The following TRIM67 variants were observed in gnomAD, a reference collection of about 807,000 sequenced individuals.
TRIM67 encodes the protein tripartite motif containing 67.
In TRIM67, 39 loss-of-function variants were observed where a neutral mutation model predicts 71.0. That is an observed-to-expected ratio of 0.55 (90% CI 0.43 to 0.72). The LOEUF (loss-of-function observed/expected upper bound fraction) is 0.72, where lower values mean the gene tolerates loss of function less well. Ranked by LOEUF, TRIM67 falls within the 30% of genes least tolerant of loss-of-function variation. The probability of loss-of-function intolerance (pLI) is 0.00; values close to 1 mark genes in which losing one functional copy is unlikely to be tolerated. For missense variants in TRIM67, 973 were observed against 1,079.2 expected (o/e 0.90, Z 1.38); for synonymous variants, 481 against 473.9 (o/e 1.01, Z -0.19).
chr1:231,182,630 C>T (rs990016775), intron 1 of TRIM67, among the ~76,000 whole-genome samples: 1 of 152,156 alleles, frequency 6.6e-6, no homozygotes, highest in African/African-American at 2.4e-5. Flanking sequence ...AGGGCACAGG[C>T]ACAGAGGCAC....
At chr1:231,190,552 C>T (rs778350569) in intron 1 of TRIM67, among the ~76,000 whole-genome samples, 1 of 152,282 alleles carries the variant, frequency 6.6e-6, no homozygotes, top group Middle Eastern at 3.4e-3. Context: ...AGCCTGCGGC[C>T]CCCGGCGTAA....
intron 1 of TRIM67, among the ~76,000 whole-genome samples, chr1:231,174,158 T>C (rs1264727046): frequency 3.3e-5 from 5 of 150,166 alleles, no homozygotes; most frequent in African/African-American, 9.7e-5. Flanking sequence ...TTTTCTTTTT[T>C]TTTTTTTTTT....
At chr1:231,185,144 G>A (rs1412567634) in intron 1 of TRIM67, 1 of 1,532,884 alleles carries the variant, frequency 6.5e-7, no homozygotes, top group Admixed American at 2.0e-5. Context: ...TGGGAAGTGT[G>A]TGTTGTCCAG....
At chr1:231,168,394 G>A (rs1432648433) in intron 1 of TRIM67, among the ~76,000 whole-genome samples, 2 of 152,132 alleles carry the variant, frequency 1.3e-5, no homozygotes, top group African/African-American at 2.4e-5. Flanking sequence ...CAAACATTTC[G>A]CTTGTTAAGT....
At chr1:231,202,094 A>G (rs1683549841) in intron 5 of TRIM67, among the ~76,000 whole-genome samples, 1 of 792 alleles carries the variant, frequency 1.3e-3, no homozygotes, top group African/African-American at 4.5e-3. Context: ...TGGCTAAGAT[A>G]ATGGAGGAGG....
chr1:231,217,922 C>T lies in TRIM67; in HGVS notation c.*2482C>T. ...GTCCAGAGAGGTGCAGCCAGGACTC[C>T]CTCCTCCCCACTGCCACCCTGAGCT... On this transcript the variant is annotated 3_prime_UTR_variant, in exon 10 of 10. Transcript: ENST00000366653. 1 of 1,283,722 alleles carries T rather than the reference C, an allele frequency of 7.8e-7. No homozygotes were observed. 79.5% of individuals were successfully genotyped at this position (1,283,722 alleles called of 1,614,324 possible).
intron 1 of TRIM67, among the ~76,000 whole-genome samples, chr1:231,196,751 T>G (rs909281208): frequency 3.3e-5 from 5 of 152,196 alleles, no homozygotes; most frequent in African/African-American, 1.2e-4. Flanking sequence ...CTTCAGAAGC[T>G]TCTGCTGGTC....
intron 1 of TRIM67, among the ~76,000 whole-genome samples, chr1:231,171,789 T>C (rs1006255423): frequency 6.6e-6 from 1 of 152,114 alleles, no homozygotes; most frequent in Non-Finnish European, 1.5e-5. Context: ...CAGCAAGTTG[T>C]GAAATGATTT....
chr1:231,198,920 C>A (rs1683445732), intron 2 of TRIM67, 127 bp from the exon 3 acceptor site: 1 of 1,449,786 alleles, frequency 6.9e-7, no homozygotes, highest in Non-Finnish European at 9.4e-7. Flanking sequence ...TCTAATTTAA[C>A]AACATTATAG....
At chr1:231,195,130 C>G (rs1571889755) in intron 1 of TRIM67, among the ~76,000 whole-genome samples, 2 of 152,174 alleles carry the variant, frequency 1.3e-5, no homozygotes, top group East Asian at 3.8e-4. Context: ...AGAGCCTTTT[C>G]TCAGAGACAG....
At chr1:231,206,372 C>T (rs571512865) in intron 6 of TRIM67, among the ~76,000 whole-genome samples, 6 of 151,750 alleles carry the variant, frequency 4.0e-5, no homozygotes, top group Non-Finnish European at 7.4e-5. Context: ...ACTCGGGAGG[C>T]GGAGGTTTTG....
intron 8 of TRIM67, 123 bp from the exon 9 acceptor site, chr1:231,213,692 C>A: frequency 8.2e-7 from 1 of 1,224,488 alleles, no homozygotes. Flanking sequence ...GATGGCGTCA[C>A]TGCACTCCAG....
chr1:231,209,964 C>T lies in TRIM67; in HGVS notation c.2123+714C>T, dbSNP rs969882048. Among the ~76,000 whole-genome samples, 22 of 152,150 alleles carry T rather than the reference C, an allele frequency of 1.4e-4. No homozygotes were observed. The highest frequency in any genetic ancestry group is 5.9e-5 in the Non-Finnish European group (4 of 68,010). On this transcript the variant is annotated intron_variant, in intron 8 of 9. Transcript: ENST00000366653. This position sits in a 1 kb window ranked among gnomAD's most constrained non-coding sequence, Gnocchi z 4.1. Reference sequence around the variant, plus strand: ...TGAGGCCTGGGCTTCTCTAGGGTGCCTTGGTCTCTCTCCTCAGACACAAAG... The same window carrying T: ...TGAGGCCTGGGCTTCTCTAGGGTGCTTTGGTCTCTCTCCTCAGACACAAAG...
chr1:231,193,795 G>A (rs549078203), intron 1 of TRIM67, among the ~76,000 whole-genome samples: 1 of 152,204 alleles, frequency 6.6e-6, no homozygotes, highest in East Asian at 1.9e-4. Context: ...AGAGAGAGGA[G>A]GGAGCTGCCA....
chr1:231,180,871 T>C (rs1408492244), intron 1 of TRIM67, among the ~76,000 whole-genome samples: 1 of 152,212 alleles, frequency 6.6e-6, no homozygotes, highest in Non-Finnish European at 1.5e-5. Flanking sequence ...CTTCTTGTCC[T>C]ATCACTCTAA....
chr1:231,181,117 C>A (rs942246491), intron 1 of TRIM67, among the ~76,000 whole-genome samples: 1 of 152,154 alleles, frequency 6.6e-6, no homozygotes. Flanking sequence ...AGGCATGCAC[C>A]GCCATGTCCA....
At chr1:231,212,178 TAC>T (rs1442094435) in intron 8 of TRIM67, among the ~76,000 whole-genome samples, 2 of 152,114 alleles carry the variant, frequency 1.3e-5, no homozygotes, top group South Asian at 2.1e-4. Flanking sequence ...GCAAAATAGT[TAC>T]AGAGAGATAA....
At chr1:231,171,508 G>T (rs918323589) in intron 1 of TRIM67, among the ~76,000 whole-genome samples, 1 of 152,102 alleles carries the variant, frequency 6.6e-6, no homozygotes, top group Non-Finnish European at 1.5e-5. Flanking sequence ...TTTTCGGTGG[G>T]GGTGCTGCCC....
chr1:231,206,540 G>T, intron 6 of TRIM67, 112 bp from the exon 7 acceptor site: 1 of 1,128,050 alleles, frequency 8.9e-7, no homozygotes, highest in East Asian at 2.9e-5. Flanking sequence ...GAGTAGCTGG[G>T]ACTACACCTG....
Sources: gnomAD v4.1 joint callset for allele counts (sites outside exome capture counted in the v4.1 genomes callset) on GRCh38, gnomAD v4.1.1 for gene constraint, Gnocchi (gnomAD v3.1) non-coding constraint, MANE v1.5 for transcripts, NCBI Gene and HGNC (gene_info 2026-07-23, HGNC 2026-07-21) for gene names.